Variants in PAFAH1B1 observed in about 807,000 individuals in gnomAD.
PAFAH1B1 encodes platelet activating factor acetylhydrolase 1b regulatory subunit 1.
PAFAH1B1 carries 2 observed loss-of-function variants against 57.5 expected under a neutral mutation model. The observed-to-expected ratio is 0.03, with a 90% CI of 0.01 to 0.11. The LOEUF is 0.11. Among genes scored for constraint, PAFAH1B1 ranks in the 10% least tolerant of loss-of-function variants. The pLI, the probability that PAFAH1B1 is intolerant of heterozygous loss-of-function variation, is 1.00. For synonymous variants in PAFAH1B1, 152 were observed against 169.6 expected, an observed-to-expected ratio of 0.90 and a Z score of 0.81; for missense variants, 257 against 512.0, an observed-to-expected ratio of 0.50 and a Z score of 4.81.
chr17:2,644,911 T>A (rs956137468), intron 2 of PAFAH1B1, among the ~76,000 whole-genome samples: 2 of 152,148 alleles, frequency 1.3e-5, no homozygotes, highest in Non-Finnish European at 2.9e-5. Flanking sequence ...GAACCTAATT[T>A]CAGATGACTA....
At chr17:2,612,118 T>A (rs1451858592) in intron 1 of PAFAH1B1, among the ~76,000 whole-genome samples, 1 of 152,178 alleles carries the variant, frequency 6.6e-6, no homozygotes, top group East Asian at 1.9e-4. Flanking sequence ...GGTATTTTAT[T>A]TTTTGCCAAT....
intron 1 of PAFAH1B1, among the ~76,000 whole-genome samples, chr17:2,596,834 G>A (rs2068088473): frequency 6.6e-6 from 1 of 152,042 alleles, no homozygotes; most frequent in Non-Finnish European, 1.5e-5. Flanking sequence ...CGAGGCAGGT[G>A]GATCACCTGA....
At chr17:2,614,247 C>CA (rs1039326292) in intron 1 of PAFAH1B1, among the ~76,000 whole-genome samples, 12 of 151,898 alleles carry the variant, frequency 7.9e-5, no homozygotes, top group African/African-American at 2.9e-4. Flanking sequence ...AGGCTGATCT[C>CA]AAACTCCTGA....
At chr17:2,649,535 C>T (rs770251477) in intron 2 of PAFAH1B1, among the ~76,000 whole-genome samples, 1 of 152,144 alleles carries the variant, frequency 6.6e-6, no homozygotes, top group Non-Finnish European at 1.5e-5. Flanking sequence ...GATGTCGTGC[C>T]ACTGCACTCC....
chr17:2,622,455 C>T (rs1359736204), intron 1 of PAFAH1B1, among the ~76,000 whole-genome samples: 4 of 152,142 alleles, frequency 2.6e-5, no homozygotes, highest in Non-Finnish European at 5.9e-5. Flanking sequence ...CCATGCAAGT[C>T]CAGAATCCAG....
chr17:2,634,771 A>C (rs763736752), intron 1 of PAFAH1B1, among the ~76,000 whole-genome samples: 34 of 152,070 alleles, frequency 2.2e-4, no homozygotes, highest in Admixed American at 2.0e-3. Context: ...CTTCGTCCTG[A>C]GTCATCACCC....
At chr17:2,659,286 C>T (rs1048100496) in intron 2 of PAFAH1B1, 28 of 162,436 alleles carry the variant, frequency 1.7e-4, no homozygotes, top group Non-Finnish European at 3.0e-4. Context: ...CGCCTGTTAT[C>T]CCAGCACTTT....
intron 2 of PAFAH1B1, among the ~76,000 whole-genome samples, chr17:2,650,220 A>G (rs1031167261): frequency 1.3e-5 from 2 of 152,134 alleles, no homozygotes; most frequent in African/African-American, 4.8e-5. Flanking sequence ...GATTTAAAAA[A>G]TAGTCTGGCA....
intron 8 of PAFAH1B1, among the ~76,000 whole-genome samples, chr17:2,674,983 T>C (rs186239771): frequency 1.1e-4 from 16 of 152,272 alleles, no homozygotes; most frequent in African/African-American, 3.8e-4. Context: ...TTCTAATAAA[T>C]GAATGAAAAT....
intron 1 of PAFAH1B1, among the ~76,000 whole-genome samples, chr17:2,611,580 C>T (rs570022626): frequency 5.3e-5 from 8 of 152,206 alleles, no homozygotes; most frequent in Admixed American, 1.3e-4. Context: ...AATCAGGACT[C>T]ATGCTGGTTT....
chr17:2,630,778 G>A (rs1034706283), intron 1 of PAFAH1B1, among the ~76,000 whole-genome samples: 13 of 152,152 alleles, frequency 8.5e-5, no homozygotes, highest in Non-Finnish European at 4.4e-5. Context: ...GATAATCCCA[G>A]ACGTCTTGGA....
chr17:2,650,293 C>A (rs1157048366), intron 2 of PAFAH1B1, among the ~76,000 whole-genome samples: 3 of 148,856 alleles, frequency 2.0e-5, no homozygotes, highest in Non-Finnish European at 2.9e-5. Context: ...GGGTGGATCA[C>A]TTGAGGTCAG....
chr17:2,627,392 G>C (rs1461377020), intron 1 of PAFAH1B1, among the ~76,000 whole-genome samples: 1 of 152,144 alleles, frequency 6.6e-6, no homozygotes, highest in Admixed American at 6.5e-5. Flanking sequence ...TTGAAGATCA[G>C]TTGGCTGTAA....
chr17:2,610,281 C>T (rs995609788), intron 1 of PAFAH1B1, among the ~76,000 whole-genome samples: 7 of 151,914 alleles, frequency 4.6e-5, no homozygotes, highest in Non-Finnish European at 1.0e-4. Flanking sequence ...CTACAAAATG[C>T]CTCAGATAAA....
At chr17:2,669,050 T>TA (rs2069145583) in intron 5 of PAFAH1B1, among the ~76,000 whole-genome samples, 1 of 152,118 alleles carries the variant, frequency 6.6e-6, no homozygotes, top group South Asian at 2.1e-4. Context: ...AAGATTTTGA[T>TA]AAAGTAGTCA....
intron 7 of PAFAH1B1, chr17:2,673,859 G>A (rs1268410425): frequency 1.8e-6 from 1 of 562,166 alleles, no homozygotes; most frequent in Admixed American, 3.1e-5. Flanking sequence ...TCTTCTAGAT[G>A]TTGATTTTAT....
intron 1 of PAFAH1B1, among the ~76,000 whole-genome samples, chr17:2,622,262 A>C (rs952774528): frequency 1.3e-5 from 2 of 152,204 alleles, no homozygotes; most frequent in Non-Finnish European, 2.9e-5. Flanking sequence ...AACTCATTTC[A>C]GCATTAACCC....
At chr17:2,680,008 T>A (rs889162755) in intron 9 of PAFAH1B1, 156 bp from the exon 10 acceptor site, 3 of 716,744 alleles carry the variant, frequency 4.2e-6, no homozygotes, top group African/African-American at 1.8e-5. Flanking sequence ...TCATGTCTTA[T>A]GAGTTTTCAG....
intron 9 of PAFAH1B1, chr17:2,679,630 T>TGGA (rs1555527708): frequency 0.046 from 2,858 of 61,884 alleles, 83 homozygotes; most frequent in South Asian, 0.17. Flanking sequence ...GATTGGATGA[T>TGGA]TGGATGGATG....
Sources: gnomAD v4.1 joint callset for allele counts (sites outside exome capture counted in the v4.1 genomes callset) on GRCh38, gnomAD v4.1.1 for gene constraint, MANE v1.5 for transcripts, NCBI Gene and HGNC (gene_info 2026-07-23, HGNC 2026-07-21) for gene names.